LMO4: variants seen among roughly 807,000 people sequenced by gnomAD.
The protein encoded by LMO4 is LIM domain only 4.
LMO4 carries 3 observed loss-of-function variants against 18.5 expected under a neutral mutation model. The observed-to-expected ratio is 0.16, with a 90% CI of 0.07 to 0.42. The LOEUF (loss-of-function observed/expected upper bound fraction) is 0.42. Among genes scored for constraint, LMO4 ranks in the 10% least tolerant of loss-of-function variants. The pLI is 0.99. For synonymous variants in LMO4, 100 were observed against 88.1 expected, an observed-to-expected ratio of 1.14 and a Z score of -0.76; for missense variants, 121 against 219.9, an observed-to-expected ratio of 0.55 and a Z score of 2.84.
At chr1:87,333,955 A>AT (rs923820402) in intron 2 of LMO4, among the ~76,000 whole-genome samples, 1 of 151,760 alleles carries the variant, frequency 6.6e-6, no homozygotes, top group Non-Finnish European at 1.5e-5. Flanking sequence ...AAAAAAAAAA[A>AT]CAAAAAACAA....
chr1:87,344,842 C>G lies in LMO4; in HGVS notation c.*46C>G. The G allele has an allele frequency of 4.4e-6, 7 of 1,605,054 alleles. No individual in the cohort carries two copies. Among genetic ancestry groups the G allele is most frequent in the Non-Finnish European group, 6.0e-6 (7 of 1,172,044 alleles). ...TGCGTGCCTTCATCTCAGATTTGTT[C>G]ATCACAGGTGGATCCCATGTGTCTT... On this transcript the variant is annotated 3_prime_UTR_variant, in exon 5 of 5. Transcript: ENST00000370544.
intron 2 of LMO4, among the ~76,000 whole-genome samples, chr1:87,336,622 T>C (rs1235999298): frequency 1.3e-5 from 2 of 152,202 alleles, no homozygotes; most frequent in Non-Finnish European, 2.9e-5. Context: ...TTTGGTGGGA[T>C]TTCTTCCCAT....
At chr1:87,339,808 C>T (rs953382788) in intron 3 of LMO4, among the ~76,000 whole-genome samples, 176 bp downstream of exon 3, 1 of 152,166 alleles carries the variant, frequency 6.6e-6, no homozygotes, top group Non-Finnish European at 1.5e-5. Flanking sequence ...ACAGACCACG[C>T]TTCCCCTATG....
rs1355731605 is a variant in LMO4 at position 87,336,726 on chromosome 1, G to A, written c.237-2810G>A. ...ATATTAACGACCTTCTTGGACTGAG[G>A]ACCCAAAGAAAGGAAACTGAAACCG... On this transcript the variant is annotated intron_variant, in intron 2 of 4. Transcript: ENST00000370544. Among the ~76,000 whole-genome samples, 3 of 152,074 alleles carry A rather than the reference G, an allele frequency of 2.0e-5. No individual in the cohort carries two copies. The East Asian group carries it at 5.8e-4, about 29-fold the overall frequency.
At chr1:87,329,649 CTA>C (rs910870561) in intron 1 of LMO4, among the ~76,000 whole-genome samples, 2 of 152,142 alleles carry the variant, frequency 1.3e-5, no homozygotes, top group African/African-American at 4.8e-5. Context: ...CTAGTAAACA[CTA>C]TTTTTGAAAC....
chr1:87,337,218 C>A lies in LMO4; in HGVS notation c.237-2318C>A, dbSNP rs78704133. Among the ~76,000 whole-genome samples, 374 of 152,288 alleles carry A rather than the reference C, an allele frequency of 2.5e-3. 2 individuals carry two copies. Among genetic ancestry groups the A allele is most frequent in the Non-Finnish European group, 4.5e-3 (306 of 68,024 alleles). ...TTTGTAACTGTAATTTTTGGCACTTCAGGAATCCCACCATTTTGTGGCTGA... is the reference window on the plus strand; with the variant it reads ...TTTGTAACTGTAATTTTTGGCACTTAAGGAATCCCACCATTTTGTGGCTGA... On this transcript the variant is annotated intron_variant, in intron 2 of 4. Coordinates refer to ENST00000370544, the MANE Select transcript of LMO4 (RefSeq NM_006769.4).
intron 1 of LMO4, chr1:87,331,308 A>C (rs964229599): frequency 6.6e-6 from 1 of 152,204 alleles, no homozygotes; most frequent in Non-Finnish European, 1.5e-5. Flanking sequence ...GGCATGTGAA[A>C]GGTGCTGCTT....
rs747292852 is a variant in LMO4, at chr1:87,344,769, C to G, written c.490-19C>G. 1 of 1,613,302 alleles carries G rather than the reference C, an allele frequency of 6.2e-7. No homozygotes were observed. The highest frequency in any genetic ancestry group is 1.7e-5 in the Admixed American group (1 of 59,916). ...AAATTTAGCATTTTAGCTAAGATGC[C>G]CGTTTTTATTTCTTGCAGGTCTGCT... is the stretch of plus-strand genomic sequence containing the variant. On this transcript the variant is annotated intron_variant, in intron 4 of 4. Coordinates refer to ENST00000370544, the MANE Select transcript of LMO4 (RefSeq NM_006769.4).
At chr1:87,341,567 G>T (rs1283092649) in intron 4 of LMO4, among the ~76,000 whole-genome samples, 1 of 152,076 alleles carries the variant, frequency 6.6e-6, no homozygotes, top group East Asian at 1.9e-4. Context: ...GGAGGTGGGG[G>T]TTTGACAAAT....
chr1:87,335,490 G>A lies in LMO4; in HGVS notation c.236+3239G>A, dbSNP rs1650280580. ...CGAGCGCAGGGCGGGAGCCGGGCGAGCGGGTCGCGCTTTCTTTCCCCGGGC... is the reference window on the plus strand; with the variant it reads ...CGAGCGCAGGGCGGGAGCCGGGCGAACGGGTCGCGCTTTCTTTCCCCGGGC... On this transcript the variant is annotated intron_variant, in intron 2 of 4. Coordinates refer to ENST00000370544, the MANE Select transcript of LMO4 (RefSeq NM_006769.4). Among the ~76,000 whole-genome samples the A allele has an allele frequency of 2.0e-5, 3 of 151,942 alleles. No homozygotes were observed. In the South Asian group the frequency reaches 6.2e-4, roughly 31 times the overall value.
rs1174615789 is a variant in LMO4, at chr1:87,340,582, A to AAG, written c.489+384_489+385dup. Among the ~76,000 whole-genome samples the AAG allele has an allele frequency of 9.2e-5, 14 of 152,362 alleles. No homozygotes were observed. In the South Asian group the frequency reaches 2.7e-3, roughly 29 times the overall value. On this transcript the variant is annotated intron_variant, in intron 4 of 4. Coordinates refer to ENST00000370544, the MANE Select transcript of LMO4 (RefSeq NM_006769.4). ...AAAATTAGAACATTTATGGTAGGAA[A>AAG]AGAGAATAAAGATCTTTGTTATGAA...
intron 4 of LMO4, among the ~76,000 whole-genome samples, chr1:87,342,036 A>G (rs961407716): frequency 6.6e-6 from 1 of 152,042 alleles, no homozygotes; most frequent in African/African-American, 2.4e-5. Flanking sequence ...CCTTCTCTCC[A>G]CTCCTTCTGA....
Position 87,344,790 on chromosome 1 carries a change from C to G in LMO4, c.492C>G (p.Val164=). 5 of 1,613,820 alleles carry G rather than the reference C, an allele frequency of 3.1e-6. No individual in the cohort carries two copies. Among genetic ancestry groups the G allele is most frequent in the Non-Finnish European group, 4.2e-6 (5 of 1,179,844 alleles). The change falls in exon 5 of 5, where the codon GTC becomes GTG. Residue 164 remains valine (V), a splice_region_variant and synonymous_variant. Transcript: ENST00000370544. ...ATGCCCGTTTTTATTTCTTGCAGGT[C>G]TGCTAAAAGGTCAGAGTAATGCAGA... The part of the protein sequence containing the change: ...QSNPLLPDQK[V]C
intron 2 of LMO4, among the ~76,000 whole-genome samples, chr1:87,335,013 C>CT (rs1338340855): frequency 1.6e-5 from 2 of 126,764 alleles, no homozygotes; most frequent in African/African-American, 3.3e-5. Flanking sequence ...AAATTGGCCT[C>CT]TAAGAGAGGG....
Position 87,333,951 on chromosome 1 carries a change from AAAAAC to A in LMO4, c.236+1705_236+1709del, listed in dbSNP as rs1444903142. Among the ~76,000 whole-genome samples the A allele has an allele frequency of 2.0e-5, 3 of 151,932 alleles. No individual in the cohort carries two copies. The East Asian group carries it at 5.8e-4, about 29-fold the overall frequency. The stretch of plus-strand genomic sequence containing the variant: ...CTTCTCCGAGTGCCTTCAAAAAAAA[AAAAAC>A]AAAAAACAAAAAAAACCCTCGCTTC... On this transcript the variant is annotated intron_variant, in intron 2 of 4. Coordinates refer to ENST00000370544, the MANE Select transcript of LMO4 (RefSeq NM_006769.4).
intron 4 of LMO4, among the ~76,000 whole-genome samples, 182 bp downstream of exon 4, chr1:87,340,384 T>C (rs924761182): frequency 6.6e-6 from 1 of 152,140 alleles, no homozygotes; most frequent in Non-Finnish European, 1.5e-5. Context: ...GTGAATCCTT[T>C]CTAGTTAAAA....
At chr1:87,330,213 A>G (rs999969011) in intron 1 of LMO4, among the ~76,000 whole-genome samples, 1 of 151,848 alleles carries the variant, frequency 6.6e-6, no homozygotes, top group African/African-American at 2.4e-5. Context: ...AAAAAAATAC[A>G]TATATATTTA....
chr1:87,348,582 C>T lies in LMO4; in HGVS notation c.*3786C>T, dbSNP rs143412732. On this transcript the variant is annotated 3_prime_UTR_variant, in exon 5 of 5. Coordinates refer to ENST00000370544, the MANE Select transcript of LMO4 (RefSeq NM_006769.4). The stretch of plus-strand genomic sequence containing the variant: ...TAGCAGCAAAGTGTAGCACATTCGC[C>T]GATGCTGGGTACCTAGTTAAAGAGG... 1.2e-3 allele frequency: 484 copies of T among 419,426 alleles called. No individual in the cohort carries two copies. The highest frequency in any genetic ancestry group is 8.7e-3 in the African/African-American group (432 of 49,468). The allele number at this position is 419,426 out of a possible 1,614,324, so 26.0% of individuals were successfully genotyped here.
At chr1:87,329,767 G>GA (rs1281180619) in intron 1 of LMO4, among the ~76,000 whole-genome samples, 2 of 152,122 alleles carry the variant, frequency 1.3e-5, no homozygotes, top group African/African-American at 4.8e-5. Flanking sequence ...GAAATACGGT[G>GA]AATCACCTAA....
Sources: allele counts gnomAD v4.1 joint callset (sites outside exome capture counted in the v4.1 genomes callset), GRCh38; gene constraint gnomAD v4.1.1; transcripts MANE v1.5; gene names NCBI Gene and HGNC (gene_info 2026-07-23, HGNC 2026-07-21).